The following SIPA1L2 variants were observed in gnomAD, a reference collection of about 807,000 sequenced individuals.
SIPA1L2 encodes the protein signal-induced proliferation-associated 1-like protein 2.
SIPA1L2 carries 56 observed loss-of-function variants against 163.9 expected under a neutral mutation model. The observed-to-expected ratio is 0.34, with a 90% CI of 0.28 to 0.43. SIPA1L2 has a LOEUF of 0.43. SIPA1L2 is among the 20% of genes least tolerant of loss of function. The pLI, the probability that SIPA1L2 is intolerant of heterozygous loss-of-function variation, is 1.00. For synonymous variants in SIPA1L2, 877 were observed against 865.7 expected, an observed-to-expected ratio of 1.01 and a Z score of -0.23; for missense variants, 1,974 against 2,193.5, an observed-to-expected ratio of 0.90 and a Z score of 2.00.
intron 2 of SIPA1L2, among the ~76,000 whole-genome samples, chr1:232,571,549 T>C (rs1289336055): frequency 6.6e-6 from 1 of 152,244 alleles, no homozygotes; most frequent in Non-Finnish European, 1.5e-5. Context: ...TTGCCTAAAA[T>C]CGTGCACACA....
chr1:232,626,384 G>C (rs1423799128), intron 1 of SIPA1L2, among the ~76,000 whole-genome samples: 2 of 151,936 alleles, frequency 1.3e-5, no homozygotes, highest in African/African-American at 4.8e-5. Flanking sequence ...ACCCAACTTG[G>C]CTATCTAGTA....
intron 9 of SIPA1L2, 110 bp from the exon 10 acceptor site, chr1:232,461,271 G>A (rs1202721509): frequency 1.3e-5 from 18 of 1,363,360 alleles, no homozygotes; most frequent in Middle Eastern, 2.1e-4. Flanking sequence ...TTGGGCCCTC[G>A]CAGCCCAGCC....
At chr1:232,421,828 C>G (rs1012730322) in intron 18 of SIPA1L2, among the ~76,000 whole-genome samples, 2 of 152,220 alleles carry the variant, frequency 1.3e-5, no homozygotes, top group African/African-American at 4.8e-5. Flanking sequence ...GTGCGTAGGT[C>G]AGAACTATAG....
At position 232,514,039 on chromosome 1, in the gene SIPA1L2, A is replaced by T. The variant is rs1312934299; in HGVS notation, c.1301T>A (p.Phe434Tyr). ...GAAAGAGCAGCTTTCCCCAGAACTG[A>T]AAGAGGATGAGTTGGCTCGAGAGAG... ...IALSRANSSSFSSGESCSFES... is the reference protein window; with the variant it reads ...IALSRANSSSYSSGESCSFES... The change falls in exon 3 of 23, where the codon TTC becomes TAC. Residue 434 changes from phenylalanine to tyrosine, a missense_variant. Physicochemically the swap from Phe to Tyr is conservative, Grantham distance 22 (BLOSUM62 3). Transcript: ENST00000674635. The T allele has an allele frequency of 3.7e-6, 6 of 1,614,104 alleles. No individual in the cohort carries two copies. Among genetic ancestry groups the T allele is most frequent in the Non-Finnish European group, 4.2e-6 (5 of 1,180,036 alleles).
intron 1 of SIPA1L2, among the ~76,000 whole-genome samples, chr1:232,599,773 G>A (rs959035384): frequency 6.6e-6 from 1 of 152,212 alleles, no homozygotes; most frequent in African/African-American, 2.4e-5. Context: ...ACACTAAGAT[G>A]ACTGCAATCA....
intron 3 of SIPA1L2, among the ~76,000 whole-genome samples, chr1:232,510,761 C>A (rs977856622): frequency 6.6e-6 from 1 of 152,126 alleles, no homozygotes; most frequent in African/African-American, 2.4e-5. Flanking sequence ...ATTAATGAAT[C>A]AAATGGTGGT....
intron 19 of SIPA1L2, among the ~76,000 whole-genome samples, chr1:232,410,487 TG>T (rs1158348485): frequency 6.6e-6 from 1 of 152,112 alleles, no homozygotes; most frequent in Non-Finnish European, 1.5e-5. Flanking sequence ...CTTTCCTGTG[TG>T]TACGTGTTTA....
At chr1:232,474,875 A>C (rs1285084452) in intron 7 of SIPA1L2, among the ~76,000 whole-genome samples, 1 of 152,250 alleles carries the variant, frequency 6.6e-6, no homozygotes, top group Non-Finnish European at 1.5e-5. Flanking sequence ...ATTAGACAGT[A>C]TCTGCTAGCC....
intron 1 of SIPA1L2, among the ~76,000 whole-genome samples, chr1:232,606,821 C>T (rs1039432060): frequency 6.6e-5 from 10 of 151,810 alleles, no homozygotes; most frequent in East Asian, 5.8e-4. Flanking sequence ...TCAAAGCATA[C>T]GTGAAACTAA....
rs750968994 is a variant in SIPA1L2 at position 232,439,471 on chromosome 1, T to A, written c.3668A>T (p.His1223Leu). 8 of 1,612,954 alleles carry A rather than the reference T, an allele frequency of 5.0e-6. No individual in the cohort carries two copies. The highest frequency in any genetic ancestry group is 2.5e-6 in the Non-Finnish European group (3 of 1,179,170). The stretch of plus-strand genomic sequence containing the variant: ...GCTGGAGAGCGTGTTGCTGCTGGAG[T>A]GACTGGAGCAACTTTTATCCCCAAT... ...SHIGDKSCSS[H>L]SSSNTLSSNT... Residue 1223 changes from histidine to leucine, a missense_variant, in exon 15 of 23, where the codon CAC becomes CTC. Transcript: ENST00000674635.
chr1:232,558,048 G>T (rs2102736894), intron 2 of SIPA1L2, among the ~76,000 whole-genome samples: 1 of 152,306 alleles, frequency 6.6e-6, no homozygotes, highest in East Asian at 1.9e-4. Flanking sequence ...AGTCATAGCT[G>T]CATTGTTCAA....
At chr1:232,619,162 GGA>G (rs1284869738) in intron 1 of SIPA1L2, among the ~76,000 whole-genome samples, 2 of 152,278 alleles carry the variant, frequency 1.3e-5, no homozygotes, top group East Asian at 3.9e-4. Flanking sequence ...TTCTGGTCTT[GGA>G]GAGGGCCTAC....
chr1:232,488,510 G>A (rs1665761732), intron 5 of SIPA1L2, among the ~76,000 whole-genome samples: 1 of 152,188 alleles, frequency 6.6e-6, no homozygotes, highest in African/African-American at 2.4e-5. Context: ...CATGTACAAT[G>A]GGAATCTGAT....
intron 12 of SIPA1L2, 45 bp from the exon 13 acceptor site, chr1:232,441,913 A>G: frequency 6.5e-7 from 1 of 1,530,102 alleles, no homozygotes; most frequent in Non-Finnish European, 9.0e-7. Flanking sequence ...CAACCGTGCC[A>G]CCTGCCAGCA....
At chr1:232,613,423 A>G (rs3845311) in intron 1 of SIPA1L2, among the ~76,000 whole-genome samples, 115,411 of 152,142 alleles carry the variant, frequency 0.76, 43,948 homozygotes, top group African/African-American at 0.81. Context: ...GAAGGAAAAC[A>G]CAAAGTTACA....
At chr1:232,495,148 T>G (rs1447124640) in intron 3 of SIPA1L2, among the ~76,000 whole-genome samples, 1 of 152,228 alleles carries the variant, frequency 6.6e-6, no homozygotes, top group African/African-American at 2.4e-5. Context: ...TAATGAATAC[T>G]GGCTAGACCT....
chr1:232,529,889 C>G (rs1436419831), intron 2 of SIPA1L2, among the ~76,000 whole-genome samples: 1 of 152,206 alleles, frequency 6.6e-6, no homozygotes, highest in Non-Finnish European at 1.5e-5. Context: ...CACGGCCCCA[C>G]CTATTGCAGA....
chr1:232,475,514 G>A (rs1355486350), intron 7 of SIPA1L2, among the ~76,000 whole-genome samples: 1 of 152,180 alleles, frequency 6.6e-6, no homozygotes, highest in Non-Finnish European at 1.5e-5. Context: ...AAAAGTTAAT[G>A]TAGAAAAGCA....
At chr1:232,403,688 G>A in intron 20 of SIPA1L2, 117 bp from the exon 21 acceptor site, 2 of 1,336,616 alleles carry the variant, frequency 1.5e-6, no homozygotes, top group Non-Finnish European at 2.0e-6. Context: ...ACCAGTTACT[G>A]CCTTGTTTTG....
Sources: gnomAD v4.1 joint callset for allele counts (sites outside exome capture counted in the v4.1 genomes callset) on GRCh38, gnomAD v4.1.1 for gene constraint, MANE v1.5 for transcripts, NCBI Gene and HGNC (gene_info 2026-07-23, HGNC 2026-07-21) for gene names.